The following CAMK4 variants were observed in gnomAD, a reference collection of about 807,000 sequenced individuals.
CAMK4 encodes calcium/calmodulin dependent protein kinase IV.
CAMK4 carries 22 observed loss-of-function variants against 44.9 expected under a neutral mutation model. That is an observed-to-expected ratio of 0.49 (90% CI 0.35 to 0.70). The LOEUF (loss-of-function observed/expected upper bound fraction) is 0.70. Among genes scored for constraint, CAMK4 ranks in the 30% least tolerant of loss-of-function variants. CAMK4 has a pLI of 0.01. For missense variants in CAMK4, 498 were observed against 586.8 expected (o/e 0.85, Z 1.56); for synonymous variants, 218 against 215.4 (o/e 1.01, Z -0.11).
chr5:111,236,806 A>T (rs1748752343), intron 1 of CAMK4, among the ~76,000 whole-genome samples: 1 of 152,208 alleles, frequency 6.6e-6, no homozygotes, highest in South Asian at 2.1e-4. Flanking sequence ...TATTGGGCAG[A>T]GGAACCCCAT....
chr5:111,428,473 A>G (rs1753311503), intron 5 of CAMK4, among the ~76,000 whole-genome samples: 2 of 152,272 alleles, frequency 1.3e-5, no homozygotes, highest in Admixed American at 1.3e-4. Flanking sequence ...GAGGAAACTT[A>G]AAGAAATTCA....
chr5:111,234,016 A>T (rs1748595732), intron 1 of CAMK4, among the ~76,000 whole-genome samples: 1 of 152,166 alleles, frequency 6.6e-6, no homozygotes, highest in Non-Finnish European at 1.5e-5. Flanking sequence ...TGGATGTTTT[A>T]AAAAGCACAT....
chr5:111,356,049 C>T (rs1750336566), intron 2 of CAMK4, among the ~76,000 whole-genome samples: 1 of 117,304 alleles, frequency 8.5e-6, no homozygotes, highest in Non-Finnish European at 1.8e-5. Context: ...AATGGTATTT[C>T]TAGTTCTAGA....
chr5:111,387,173 C>A (rs1020969409), intron 4 of CAMK4, among the ~76,000 whole-genome samples: 10 of 152,108 alleles, frequency 6.6e-5, no homozygotes, highest in Non-Finnish European at 2.9e-5. Context: ...AACAAAAATA[C>A]CAGCCAAAAT....
intron 1 of CAMK4, among the ~76,000 whole-genome samples, chr5:111,293,843 T>C (rs933287690): frequency 1.4e-5 from 2 of 143,794 alleles, no homozygotes; most frequent in African/African-American, 5.3e-5. Context: ...GCCTCCCGGG[T>C]TCATGCCATT....
At chr5:111,465,169 T>C (rs1306226035) in intron 7 of CAMK4, among the ~76,000 whole-genome samples, 2 of 152,086 alleles carry the variant, frequency 1.3e-5, no homozygotes, top group African/African-American at 4.8e-5. Context: ...AATGATGGTG[T>C]TGCCTAAGGA....
At chr5:111,437,906 C>T (rs1160266715) in intron 5 of CAMK4, among the ~76,000 whole-genome samples, 1 of 152,038 alleles carries the variant, frequency 6.6e-6, no homozygotes, top group Non-Finnish European at 1.5e-5. Flanking sequence ...GGCCTGATTC[C>T]CTGTGCTTTA....
At chr5:111,377,670 C>A (rs1052580365) in intron 4 of CAMK4, among the ~76,000 whole-genome samples, 2 of 152,038 alleles carry the variant, frequency 1.3e-5, no homozygotes, top group African/African-American at 4.8e-5. Context: ...CTCTTGAGAG[C>A]CTTTTGCTGT....
intron 1 of CAMK4, among the ~76,000 whole-genome samples, chr5:111,251,506 T>C (rs566307642): frequency 1.4e-4 from 21 of 152,218 alleles, no homozygotes; most frequent in Non-Finnish European, 2.9e-4. Flanking sequence ...GTTTACCATG[T>C]TCACTGCATC....
intron 4 of CAMK4, among the ~76,000 whole-genome samples, chr5:111,389,065 C>T (rs956068887): frequency 2.0e-5 from 3 of 152,118 alleles, no homozygotes; most frequent in African/African-American, 7.2e-5. Flanking sequence ...TTATAAACAA[C>T]AGAAATTTAT....
At chr5:111,262,118 T>G (rs1750007609) in intron 1 of CAMK4, among the ~76,000 whole-genome samples, 2 of 151,066 alleles carry the variant, frequency 1.3e-5, no homozygotes, top group East Asian at 3.9e-4. Flanking sequence ...AGACACAGTT[T>G]AAGGTCCTCA....
At chr5:111,370,989 T>G (rs1197695654) in intron 2 of CAMK4, among the ~76,000 whole-genome samples, 1 of 152,190 alleles carries the variant, frequency 6.6e-6, no homozygotes, top group Non-Finnish European at 1.5e-5. Context: ...AAGATGACAA[T>G]GCCATTTGAC....
intron 2 of CAMK4, among the ~76,000 whole-genome samples, chr5:111,362,949 T>G (rs2112799499): frequency 6.6e-6 from 1 of 152,252 alleles, no homozygotes; most frequent in East Asian, 1.9e-4. Context: ...TTTCATTCTC[T>G]TTTAATCACT....
chr5:111,384,258 A>G (rs766724620), intron 4 of CAMK4, among the ~76,000 whole-genome samples: 2 of 152,146 alleles, frequency 1.3e-5, no homozygotes, highest in Admixed American at 6.6e-5. Flanking sequence ...TCTCTGTAGC[A>G]TTATATATTA....
intron 1 of CAMK4, among the ~76,000 whole-genome samples, chr5:111,260,310 C>G (rs1749919873): frequency 6.6e-6 from 1 of 152,188 alleles, no homozygotes; most frequent in Non-Finnish European, 1.5e-5. Context: ...CAATATCTTT[C>G]TGGCATTTCA....
At chr5:111,239,581 G>T (rs1748895203) in intron 1 of CAMK4, among the ~76,000 whole-genome samples, 2 of 152,168 alleles carry the variant, frequency 1.3e-5, no homozygotes, top group South Asian at 4.1e-4. Context: ...AGAAAGACCT[G>T]CAATAGAGTC....
chr5:111,416,176 A>G (rs1023701252), intron 5 of CAMK4, among the ~76,000 whole-genome samples: 2 of 152,188 alleles, frequency 1.3e-5, no homozygotes, highest in Non-Finnish European at 2.9e-5. Flanking sequence ...TACCAAAATA[A>G]TTTCCAGAAA....
At position 111,348,818 on chromosome 5, in the gene CAMK4, C is replaced by T. The variant is rs148325704; in HGVS notation, c.240+4716C>T. Among the ~76,000 whole-genome samples the T allele has an allele frequency of 2.0e-3, 311 of 152,110 alleles. 2 individuals carry two copies. The highest frequency in any genetic ancestry group is 6.2e-3 in the African/African-American group (258 of 41,538). ...CATAATTCAACATTGAGACCCTGTT[C>T]GCATAATTGAGCATTTCTTCTGGCT... On this transcript the variant is annotated intron_variant, in intron 2 of 10. Coordinates refer to ENST00000282356, the MANE Select transcript of CAMK4 (RefSeq NM_001744.6).
intron 7 of CAMK4, chr5:111,450,018 A>T (rs1216500756): frequency 8.5e-5 from 13 of 152,200 alleles, no homozygotes; most frequent in Non-Finnish European, 1.9e-4. Context: ...TTTCTCTTAG[A>T]TCAGAATATT....
Sources: gnomAD v4.1 joint callset for allele counts (sites outside exome capture counted in the v4.1 genomes callset) on GRCh38, gnomAD v4.1.1 for gene constraint, MANE v1.5 for transcripts, NCBI Gene and HGNC (gene_info 2026-07-23, HGNC 2026-07-21) for gene names.